Variants in MYO3A observed in about 807,000 individuals in gnomAD.
MYO3A encodes the protein myosin IIIA.
MYO3A carries 180 observed loss-of-function variants against 192.7 expected under a neutral mutation model. The ratio of observed to expected loss-of-function variants is 0.93; its 90% CI spans 0.83 to 1.06. The LOEUF is 1.06. MYO3A is among the 50% of genes least tolerant of loss of function. The pLI is 0.00. For missense variants in MYO3A, 1,896 were observed against 1,905.0 expected, an observed-to-expected ratio of 1.00 and a Z score of 0.09; for synonymous variants, 628 against 645.3, an observed-to-expected ratio of 0.97 and a Z score of 0.41.
Position 26,004,105 on chromosome 10 carries a change from T to C in MYO3A, c.508+6847T>C, listed in dbSNP as rs886200964. Among the ~76,000 whole-genome samples, 5 of 152,154 alleles carry C rather than the reference T, an allele frequency of 3.3e-5. No individual in the cohort carries two copies. In the East Asian group the frequency reaches 9.6e-4, roughly 29 times the overall value. ...GCATGGGAGTCCAGGTGCAGCTCAG[T>C]AGGCAGTTTGGAGTCTGAGAGGGGT... On this transcript the variant is annotated intron_variant, in intron 6 of 34. Coordinates refer to ENST00000642920, the MANE Select transcript of MYO3A (RefSeq NM_017433.5).
At chr10:26,060,903 A>G (rs1291815673) in intron 10 of MYO3A, among the ~76,000 whole-genome samples, 1 of 151,624 alleles carries the variant, frequency 6.6e-6, no homozygotes, top group Non-Finnish European at 1.5e-5. Flanking sequence ...TGAAGATTCA[A>G]GACAACTTTT....
intron 17 of MYO3A, among the ~76,000 whole-genome samples, chr10:26,117,423 G>A (rs1212727567): frequency 6.6e-6 from 1 of 152,048 alleles, no homozygotes; most frequent in Non-Finnish European, 1.5e-5. Context: ...CATCACCCAG[G>A]TATTAAGCCT....
At chr10:26,062,530 A>AAAACG (rs1554816581) in intron 10 of MYO3A, among the ~76,000 whole-genome samples, 2 of 125,946 alleles carry the variant, frequency 1.6e-5, no homozygotes, top group African/African-American at 5.7e-5. Flanking sequence ...AAAAAAAAAA[A>AAAACG]AAATTATGGA....
At chr10:26,148,807 A>G (rs1189087789) in intron 23 of MYO3A, among the ~76,000 whole-genome samples, 2 of 152,168 alleles carry the variant, frequency 1.3e-5, no homozygotes, top group Non-Finnish European at 2.9e-5. Context: ...ATGAAGTCTA[A>G]TTGATTTTTG....
chr10:25,948,802 C>T (rs1188759812), intron 2 of MYO3A, among the ~76,000 whole-genome samples: 2 of 152,088 alleles, frequency 1.3e-5, no homozygotes, highest in African/African-American at 4.8e-5. Context: ...TAAATGGCTT[C>T]ATTTTACCTA....
intron 10 of MYO3A, among the ~76,000 whole-genome samples, chr10:26,035,973 GC>G (rs1843011044): frequency 6.6e-6 from 1 of 151,338 alleles, no homozygotes; most frequent in Non-Finnish European, 1.5e-5. Flanking sequence ...TCCGGCTGTC[GC>G]CCAGGCTGGA....
chr10:26,133,353 T>C (rs1487451316), intron 20 of MYO3A, among the ~76,000 whole-genome samples: 1 of 152,176 alleles, frequency 6.6e-6, no homozygotes, highest in Admixed American at 6.5e-5. Flanking sequence ...TCCACGTGGT[T>C]GGTTGGTTGG....
chr10:26,032,465 A>T (rs917109288), intron 10 of MYO3A, among the ~76,000 whole-genome samples: 3 of 152,012 alleles, frequency 2.0e-5, no homozygotes, highest in African/African-American at 7.2e-5. Flanking sequence ...AAATACAAAA[A>T]ATTAGCCAGG....
At chr10:25,947,263 T>A (rs1826106375) in intron 2 of MYO3A, among the ~76,000 whole-genome samples, 1 of 152,128 alleles carries the variant, frequency 6.6e-6, no homozygotes, top group Admixed American at 6.5e-5. Context: ...GAATTTCCAT[T>A]TGGTTCTGTT....
chr10:26,117,559 A>T (rs143228121), intron 17 of MYO3A, among the ~76,000 whole-genome samples: 1 of 152,094 alleles, frequency 6.6e-6, no homozygotes, highest in Non-Finnish European at 1.5e-5. Flanking sequence ...TGTTCTCATC[A>T]TTCAGCTCCC....
chr10:26,155,324 T>C (rs1841050024), intron 25 of MYO3A, among the ~76,000 whole-genome samples: 1 of 152,092 alleles, frequency 6.6e-6, no homozygotes, highest in South Asian at 2.1e-4. Flanking sequence ...CTTAAGAGAG[T>C]GTGCTTAGCA....
At chr10:26,169,136 A>G (rs949538273) in intron 28 of MYO3A, among the ~76,000 whole-genome samples, 5 of 152,218 alleles carry the variant, frequency 3.3e-5, no homozygotes, top group African/African-American at 1.2e-4. Flanking sequence ...TGTGGAAGAT[A>G]TAGCAAATAA....
chr10:26,113,729 C>T (rs1006228045), intron 17 of MYO3A, among the ~76,000 whole-genome samples: 3 of 152,150 alleles, frequency 2.0e-5, no homozygotes, highest in Non-Finnish European at 1.5e-5. Flanking sequence ...GTCAAGATCC[C>T]TAGGCTAAAG....
intron 3 of MYO3A, among the ~76,000 whole-genome samples, chr10:25,953,222 A>T (rs1837319083): frequency 6.6e-6 from 1 of 152,072 alleles, no homozygotes; most frequent in South Asian, 2.1e-4. Context: ...TAACTGTGAG[A>T]TGCTGCAAAA....
At chr10:26,045,181 A>C (rs556365640) in intron 10 of MYO3A, among the ~76,000 whole-genome samples, 1 of 152,326 alleles carries the variant, frequency 6.6e-6, no homozygotes, top group South Asian at 2.1e-4. Context: ...TGTCCAGCTA[A>C]GTGAGGACTG....
At chr10:26,177,096 G>A (rs1263346020) in intron 31 of MYO3A, among the ~76,000 whole-genome samples, 1 of 151,780 alleles carries the variant, frequency 6.6e-6, no homozygotes, top group Non-Finnish European at 1.5e-5. Context: ...CTTGGCATAT[G>A]ACGCCACAAG....
chr10:25,980,236 C>CA (rs777578393), intron 4 of MYO3A, among the ~76,000 whole-genome samples: 269 of 67,658 alleles, frequency 4.0e-3, no homozygotes, highest in African/African-American at 5.9e-3. Flanking sequence ...GACTCCGTCT[C>CA]AAAAAAAAAA....
chr10:26,205,924 T>C (rs541102983), intron 34 of MYO3A, among the ~76,000 whole-genome samples: 62 of 149,266 alleles, frequency 4.2e-4, no homozygotes, highest in Non-Finnish European at 7.3e-4. Context: ...CAGCCGGATT[T>C]CTTTCTTTTT....
chr10:25,987,021 C>T (rs747509363), intron 4 of MYO3A, among the ~76,000 whole-genome samples: 1 of 152,142 alleles, frequency 6.6e-6, no homozygotes, highest in Non-Finnish European at 1.5e-5. Flanking sequence ...GCACATAGAC[C>T]AACGGAACAG....
Sources: allele counts gnomAD v4.1 joint callset (sites outside exome capture counted in the v4.1 genomes callset), GRCh38; gene constraint gnomAD v4.1.1; transcripts MANE v1.5; gene names NCBI Gene and HGNC (gene_info 2026-07-23, HGNC 2026-07-21).